MACROD2: variants seen among roughly 807,000 people sequenced by gnomAD.
The protein encoded by MACROD2 is mono-ADP ribosylhydrolase 2.
In MACROD2, 36 loss-of-function variants were observed where a neutral mutation model predicts 70.4. The observed-to-expected ratio is 0.51, with a 90% CI of 0.39 to 0.68. The LOEUF (loss-of-function observed/expected upper bound fraction) is 0.68, where lower values mean the gene tolerates loss of function less well. Ranked by LOEUF, MACROD2 falls within the 30% of genes least tolerant of loss-of-function variation. The pLI is 0.00. For synonymous variants in MACROD2, 172 were observed against 178.8 expected, an observed-to-expected ratio of 0.96 and a Z score of 0.30; for missense variants, 496 against 538.4, an observed-to-expected ratio of 0.92 and a Z score of 0.78.
At chr20:14,645,867 TA>T (rs900744944) in intron 4 of MACROD2, among the ~76,000 whole-genome samples, 1 of 151,956 alleles carries the variant, frequency 6.6e-6, no homozygotes, top group Non-Finnish European at 1.5e-5. Context: ...TCAAGGCAGA[TA>T]AAAAACTCCA....
intron 6 of MACROD2, among the ~76,000 whole-genome samples, chr20:15,410,668 C>T (rs2046065344): frequency 6.6e-6 from 1 of 152,064 alleles, no homozygotes; most frequent in African/African-American, 2.4e-5. Flanking sequence ...CACACACACA[C>T]ACACAAAGCA....
chr20:15,207,447 T>TTG (rs569644834), intron 5 of MACROD2, among the ~76,000 whole-genome samples: 10,559 of 140,748 alleles, frequency 0.075, 570 homozygotes, highest in Admixed American at 0.1. Context: ...TTTTTTTTTT[T>TTG]TTTTTTTTTT....
intron 4 of MACROD2, among the ~76,000 whole-genome samples, chr20:14,604,303 C>T (rs1982667530): frequency 6.6e-6 from 1 of 152,190 alleles, no homozygotes. Flanking sequence ...CCTACTATTG[C>T]TTCCAACTGT....
At chr20:14,452,961 G>T (rs1471832106) in intron 3 of MACROD2, among the ~76,000 whole-genome samples, 3 of 152,046 alleles carry the variant, frequency 2.0e-5, no homozygotes, top group Non-Finnish European at 4.4e-5. Context: ...TGCAGCATTT[G>T]TACTGGTTGG....
At chr20:15,519,222 T>C (rs1454687651) in intron 8 of MACROD2, among the ~76,000 whole-genome samples, 1 of 152,140 alleles carries the variant, frequency 6.6e-6, no homozygotes, top group Non-Finnish European at 1.5e-5. Context: ...ACCATTCTCC[T>C]GTCTCAGCCT....
At chr20:15,992,920 A>AT (rs1211198859) in intron 15 of MACROD2, among the ~76,000 whole-genome samples, 1 of 152,160 alleles carries the variant, frequency 6.6e-6, no homozygotes, top group East Asian at 1.9e-4. Context: ...AAGTACCTGA[A>AT]TTTTTTTCAC....
chr20:14,841,038 A>T (rs2073081712), intron 5 of MACROD2, among the ~76,000 whole-genome samples: 4 of 152,176 alleles, frequency 2.6e-5, no homozygotes, highest in African/African-American at 9.7e-5. Flanking sequence ...AATAACTCTA[A>T]GAGTGTAAAA....
At chr20:15,973,872 A>G (rs531865847) in intron 13 of MACROD2, among the ~76,000 whole-genome samples, 139 of 152,218 alleles carry the variant, frequency 9.1e-4, no homozygotes, top group Middle Eastern at 3.2e-3. Flanking sequence ...ATAACAATTT[A>G]AATTCCTGAT....
chr20:15,316,167 G>A (rs1263999542), intron 6 of MACROD2, among the ~76,000 whole-genome samples: 2 of 148,162 alleles, frequency 1.3e-5, no homozygotes, highest in Non-Finnish European at 3.0e-5. Flanking sequence ...AACAAAAAAA[G>A]TATAACATAT....
At chr20:15,726,879 T>A (rs1181996084) in intron 8 of MACROD2, among the ~76,000 whole-genome samples, 1 of 152,194 alleles carries the variant, frequency 6.6e-6, no homozygotes, top group Non-Finnish European at 1.5e-5. Flanking sequence ...TTCTGTAGGT[T>A]GTCTGCTTAC....
chr20:15,946,154 A>G (rs1323679063), intron 12 of MACROD2, among the ~76,000 whole-genome samples: 1 of 152,018 alleles, frequency 6.6e-6, no homozygotes, highest in East Asian at 1.9e-4. Context: ...GCTTCCTTAG[A>G]CCCTGCACGT....
chr20:15,428,903 T>G (rs2046332556), intron 6 of MACROD2, among the ~76,000 whole-genome samples: 1 of 152,100 alleles, frequency 6.6e-6, no homozygotes. Flanking sequence ...GTCAAACATT[T>G]TTTTTTTCTC....
At chr20:15,623,726 G>A (rs1245015133) in intron 8 of MACROD2, among the ~76,000 whole-genome samples, 2 of 136,594 alleles carry the variant, frequency 1.5e-5, no homozygotes, top group African/African-American at 2.8e-5. Flanking sequence ...CTATCGATGT[G>A]TCTATGTATC....
In MACROD2 at chr20:15,949,190, T is replaced by C. The variant is rs73597722; in HGVS notation, c.907+11646T>C. 2.2e-3 allele frequency among the ~76,000 whole-genome samples: 336 copies of C among 152,326 alleles called. 1 individual carries two copies. The South Asian group carries it at 0.023, about 10-fold the overall frequency. On this transcript the variant is annotated intron_variant, in intron 12 of 17. Transcript: ENST00000684519. ...AAAAATGGAATTGTAATAGTATTTATATCACAGGGTTGCTAAAACTGAAAG... is the reference window on the plus strand; with the variant it reads ...AAAAATGGAATTGTAATAGTATTTACATCACAGGGTTGCTAAAACTGAAAG...
intron 9 of MACROD2, among the ~76,000 whole-genome samples, chr20:15,877,031 C>T (rs923990401): frequency 6.6e-6 from 1 of 152,096 alleles, no homozygotes; most frequent in Non-Finnish European, 1.5e-5. Context: ...TTTTTGATGG[C>T]TTGAGCATGG....
At chr20:15,765,783 T>TA (rs2051512774) in intron 8 of MACROD2, among the ~76,000 whole-genome samples, 1 of 152,066 alleles carries the variant, frequency 6.6e-6, no homozygotes, top group Admixed American at 6.6e-5. Flanking sequence ...ATTGGTGAGA[T>TA]AGACAGATAA....
At position 15,204,534 on chromosome 20, in the gene MACROD2, C is replaced by T. The variant is rs977505442; in HGVS notation, c.419-25406C>T. On this transcript the variant is annotated intron_variant, in intron 5 of 17. Transcript: ENST00000684519. ...GTACCTGGCCTATTATAATTTTCAG[C>T]CCTTACCTTGTGCAACTCTTGAAAT... Among the ~76,000 whole-genome samples the T allele has an allele frequency of 6.6e-5, 10 of 152,166 alleles. No homozygotes were observed. The East Asian group carries it at 1.5e-3, about 24-fold the overall frequency.
At chr20:15,695,032 A>G (rs1209591141) in intron 8 of MACROD2, among the ~76,000 whole-genome samples, 1 of 152,144 alleles carries the variant, frequency 6.6e-6, no homozygotes, top group Middle Eastern at 3.2e-3. Flanking sequence ...GTCTGTAACT[A>G]CTTAGGTTTA....
chr20:14,463,567 A>C, intron 3 of MACROD2, among the ~76,000 whole-genome samples: 1 of 152,028 alleles, frequency 6.6e-6, no homozygotes, highest in Admixed American at 6.6e-5. Flanking sequence ...AACTTCCAAC[A>C]CTATGTTGAA....
Sources: gnomAD v4.1 joint callset for allele counts (sites outside exome capture counted in the v4.1 genomes callset) on GRCh38, gnomAD v4.1.1 for gene constraint, MANE v1.5 for transcripts, NCBI Gene and HGNC (gene_info 2026-07-23, HGNC 2026-07-21) for gene names.